The following DHRSX variants were observed in gnomAD, a reference collection of about 807,000 sequenced individuals.
The protein encoded by DHRSX is polyprenol dehydrogenase.
In DHRSX, 31 loss-of-function variants were observed where a neutral mutation model predicts 34.0. The ratio of observed to expected loss-of-function variants is 0.91; its 90% CI spans 0.69 to 1.23. DHRSX has a LOEUF of 1.23. DHRSX is among the 50% of genes most tolerant of loss of function. The pLI is 0.00. For missense variants in DHRSX, 414 were observed against 428.1 expected (o/e 0.97, Z 0.29); for synonymous variants, 201 against 183.8 (o/e 1.09, Z -0.76).
chrX:2,356,956 C>T (rs993885421), intron 3 of DHRSX, among the ~76,000 whole-genome samples: 6 of 152,030 alleles, frequency 3.9e-5, no homozygotes, highest in African/African-American at 1.4e-4. Flanking sequence ...TCAAAAGGTG[C>T]ACATGGGCCA....
intron 5 of DHRSX, among the ~76,000 whole-genome samples, chrX:2,258,671 A>C (rs1353077524): frequency 6.6e-6 from 1 of 152,154 alleles, no homozygotes; most frequent in Non-Finnish European, 1.5e-5. Flanking sequence ...GGTCCGTGGT[A>C]TTTTATTATG....
At chrX:2,344,649 G>C (rs2042678771) in intron 3 of DHRSX, among the ~76,000 whole-genome samples, 1 of 151,850 alleles carries the variant, frequency 6.6e-6, no homozygotes, top group African/African-American at 2.4e-5. Flanking sequence ...TCACTCATAA[G>C]TGAGAGTTGA....
chrX:2,372,290 A>T (rs1235551859), intron 3 of DHRSX, among the ~76,000 whole-genome samples: 5 of 152,256 alleles, frequency 3.3e-5, no homozygotes, highest in Admixed American at 2.0e-4. Context: ...TACATGACTG[A>T]TAAAACCCTT....
At chrX:2,363,758 T>C (rs1027060555) in intron 3 of DHRSX, among the ~76,000 whole-genome samples, 47 of 152,044 alleles carry the variant, frequency 3.1e-4, no homozygotes, top group Non-Finnish European at 4.7e-4. Context: ...CACCGTTCTA[T>C]GATATCATGC....
chrX:2,224,691 A>AAT (rs1264805031), intron 6 of DHRSX, among the ~76,000 whole-genome samples: 78 of 151,966 alleles, frequency 5.1e-4, no homozygotes, highest in African/African-American at 1.7e-3. Flanking sequence ...CATGCACACA[A>AAT]ATATATATAC....
chrX:2,355,511 T>TAAAAAAAAAAAAAAAAAAAAAAAAAAA, intron 3 of DHRSX, among the ~76,000 whole-genome samples: 1 of 75,310 alleles, frequency 1.3e-5, no homozygotes, highest in Non-Finnish European at 2.4e-5. Flanking sequence ...AGACCCCATC[T>TAAAAAAAAAAAAAAAAAAAAAAAAAAA]AAAAAAAAAA....
chrX:2,414,380 A>G (rs1229343474), intron 2 of DHRSX, among the ~76,000 whole-genome samples: 3 of 151,722 alleles, frequency 2.0e-5, no homozygotes, highest in Non-Finnish European at 4.4e-5. Context: ...ACCCAAATAG[A>G]CCTCATCACA....
intron 3 of DHRSX, among the ~76,000 whole-genome samples, chrX:2,395,171 T>C (rs1425620805): frequency 1.3e-5 from 2 of 152,158 alleles, no homozygotes; most frequent in African/African-American, 4.8e-5. Context: ...CTGTGTTCTT[T>C]CCTGCACCTG....
intron 6 of DHRSX, among the ~76,000 whole-genome samples, chrX:2,230,288 T>G (rs999851065): frequency 3.3e-5 from 5 of 152,192 alleles, no homozygotes; most frequent in African/African-American, 1.2e-4. Flanking sequence ...ATGAGAGCTG[T>G]GGGTTGTGCT....
chrX:2,343,222 G>C (rs2042662053), intron 3 of DHRSX, among the ~76,000 whole-genome samples: 1 of 152,114 alleles, frequency 6.6e-6, no homozygotes, highest in Non-Finnish European at 1.5e-5. Flanking sequence ...CCTTAAATGT[G>C]CTTAGTCTAT....
rs767501789 is a variant in DHRSX, at chrX:2,356,513, T to C, written c.286+52232A>G. Among the ~76,000 whole-genome samples, 80 of 152,330 alleles carry C rather than the reference T, an allele frequency of 5.3e-4. No individual in the cohort carries two copies. In the Middle Eastern group the frequency reaches 0.01, roughly 19 times the overall value. Reference sequence around the variant, plus strand: ...AGAACATGAAAGAGAAGGAAACCAGTTGAGAGGCAACATCCAATGTTGGTA... The same window carrying C: ...AGAACATGAAAGAGAAGGAAACCAGCTGAGAGGCAACATCCAATGTTGGTA... On this transcript the variant is annotated intron_variant, in intron 3 of 6. Coordinates refer to ENST00000334651, the MANE Select transcript of DHRSX (RefSeq NM_145177.3).
intron 2 of DHRSX, among the ~76,000 whole-genome samples, chrX:2,417,607 C>T (rs920469039): frequency 6.6e-6 from 1 of 151,852 alleles, no homozygotes; most frequent in African/African-American, 2.4e-5. Flanking sequence ...TCATGACCTA[C>T]CCAACTAGAC....
intron 1 of DHRSX, among the ~76,000 whole-genome samples, chrX:2,446,913 G>A (rs2044145470): frequency 6.6e-6 from 1 of 152,004 alleles, no homozygotes; most frequent in Non-Finnish European, 1.5e-5. Context: ...CTATGTATGT[G>A]GCTGAGGGGC....
intron 4 of DHRSX, among the ~76,000 whole-genome samples, chrX:2,276,899 G>GAC (rs1203324503): frequency 7.1e-5 from 2 of 28,274 alleles, no homozygotes; most frequent in Admixed American, 2.6e-4. Context: ...GGGAAAGAGA[G>GAC]AAAGAGAGAT....
chrX:2,448,556 A>G (rs1172047622), intron 1 of DHRSX, among the ~76,000 whole-genome samples: 2 of 150,178 alleles, frequency 1.3e-5, no homozygotes, highest in African/African-American at 5.0e-5. Context: ...TATGTTAATT[A>G]GCTTGATTGT....
At chrX:2,345,821 A>G (rs1176279015) in intron 3 of DHRSX, among the ~76,000 whole-genome samples, 2 of 152,182 alleles carry the variant, frequency 1.3e-5, no homozygotes, top group Admixed American at 6.5e-5. Context: ...TTGGACTCCA[A>G]CTACATCATC....
At chrX:2,403,456 G>T (rs2124632952) in intron 3 of DHRSX, among the ~76,000 whole-genome samples, 1 of 152,254 alleles carries the variant, frequency 6.6e-6, no homozygotes, top group South Asian at 2.1e-4. Context: ...TTTTTTAATG[G>T]TGGGGACAAA....
intron 1 of DHRSX, among the ~76,000 whole-genome samples, chrX:2,432,732 A>C (rs776974147): frequency 6.6e-6 from 1 of 152,342 alleles, no homozygotes; most frequent in South Asian, 2.1e-4. Flanking sequence ...GATTGCAAGA[A>C]AGCAGGAATC....
chrX:2,360,397 A>T (rs1308569136), intron 3 of DHRSX, among the ~76,000 whole-genome samples: 1 of 152,152 alleles, frequency 6.6e-6, no homozygotes, highest in South Asian at 2.1e-4. Context: ...AGCCTGACCA[A>T]CATGGTGAAA....
Sources: gnomAD v4.1 joint callset for allele counts (sites outside exome capture counted in the v4.1 genomes callset) on GRCh38, gnomAD v4.1.1 for gene constraint, MANE v1.5 for transcripts, NCBI Gene and HGNC (gene_info 2026-07-23, HGNC 2026-07-21) for gene names.